The following OR2A14 variants were observed in gnomAD, a reference collection of about 807,000 sequenced individuals.
OR2A14 encodes the protein olfactory receptor family 2 subfamily A member 14, also known as olfactory receptor 2A14.
Under a neutral mutation model 2.4 loss-of-function variants are expected in OR2A14, and 2 were observed. The observed-to-expected ratio is 0.85, with a 90% CI of 0.35 to 2.67. The LOEUF (loss-of-function observed/expected upper bound fraction) is 2.67. OR2A14 is among the 30% of genes most tolerant of loss of function. The probability of loss-of-function intolerance (pLI) is 0.10; values close to 1 mark genes in which losing one functional copy is unlikely to be tolerated. For missense variants in OR2A14, 390 were observed against 379.4 expected (o/e 1.03, Z -0.23); for synonymous variants, 160 against 156.3 (o/e 1.02, Z -0.18).
intron 1 of OR2A14, among the ~76,000 whole-genome samples, chr7:144,125,892 AT>A (rs973414496): frequency 6.6e-5 from 10 of 150,560 alleles, no homozygotes; most frequent in South Asian, 2.1e-4. Flanking sequence ...TAATGACTGG[AT>A]TTTTTTTTTA....
chr7:144,123,661 A>G (rs2051461121), intron 1 of OR2A14, among the ~76,000 whole-genome samples: 1 of 152,202 alleles, frequency 6.6e-6, no homozygotes, highest in African/African-American at 2.4e-5. Context: ...GCTAATTTTA[A>G]AAACTGAAGT....
At chr7:144,127,023 A>G (rs927201873) in intron 1 of OR2A14, among the ~76,000 whole-genome samples, 1 of 152,118 alleles carries the variant, frequency 6.6e-6, no homozygotes, top group African/African-American at 2.4e-5. Context: ...AGGCAGGTAT[A>G]CTCTAAAACA....
chr7:144,127,372 T>C (rs2051489037), intron 1 of OR2A14, among the ~76,000 whole-genome samples: 1 of 152,204 alleles, frequency 6.6e-6, no homozygotes, highest in South Asian at 2.1e-4. Flanking sequence ...ATTGGTCAGA[T>C]TTTCTAGATG....
chr7:144,124,919 CA>C (rs1232233595), intron 1 of OR2A14, among the ~76,000 whole-genome samples: 2 of 151,950 alleles, frequency 1.3e-5, no homozygotes, highest in East Asian at 3.9e-4. Flanking sequence ...CAAAAACAGC[CA>C]AAAAGAAAAG....
At chr7:144,125,652 A>G (rs2860206) in intron 1 of OR2A14, among the ~76,000 whole-genome samples, 80,761 of 152,008 alleles carry the variant, frequency 0.53, 21,810 homozygotes, top group East Asian at 0.74. Context: ...CACAGTTGAT[A>G]ACCAGAGTTT....
At chr7:144,126,589 A>G (rs2051484363) in intron 1 of OR2A14, among the ~76,000 whole-genome samples, 1 of 151,926 alleles carries the variant, frequency 6.6e-6, no homozygotes, top group Admixed American at 6.6e-5. Context: ...CCCTCAAATC[A>G]AGTAGCTTTC....
Position 144,129,552 on chromosome 7 carries a change from C to A in OR2A14, c.440C>A (p.Ser147Tyr). The A allele has an allele frequency of 6.2e-7, 1 of 1,614,148 alleles. No individual in the cohort carries two copies. The highest frequency in any genetic ancestry group is 8.5e-7 in the Non-Finnish European group (1 of 1,180,028). Reference protein sequence around the residue: ...WRVCTVLAVASWVFSFLLALV... With the variant: ...WRVCTVLAVAYWVFSFLLALV... ...GTGTGCACTGTCCTGGCTGTGGCTT[C>A]CTGGGTGTTCAGCTTCCTCCTGGCT... The change falls in exon 2 of 2, where the codon TCC becomes TAC. Residue 147 changes from serine to tyrosine, a missense_variant. Coordinates refer to ENST00000641068, the MANE Select transcript of OR2A14 (RefSeq NM_001001659.3).
intron 1 of OR2A14, among the ~76,000 whole-genome samples, chr7:144,126,415 A>C (rs1416815702): frequency 6.6e-6 from 1 of 152,146 alleles, no homozygotes; most frequent in African/African-American, 2.4e-5. Context: ...CACCAAGTGC[A>C]TCTTGTTCAG....
rs952111488 is a variant in OR2A14 at position 144,130,523 on chromosome 7, G to A, written c.*478G>A. The A allele has an allele frequency of 7.2e-5, 11 of 153,620 alleles. No homozygotes were observed. The highest frequency in any genetic ancestry group is 2.6e-4 in the African/African-American group (11 of 41,516). The allele number at this position is 153,620 out of a possible 1,614,324, so 9.5% of individuals were successfully genotyped here. On this transcript the variant is annotated 3_prime_UTR_variant, in exon 2 of 2. Transcript: ENST00000641068. ...ACATATACTCTTACAGAAAATACAA[G>A]GGGCTGATAAACATACAAATGCTGC...
Position 144,129,417 on chromosome 7 carries a change from T to G in OR2A14, c.305T>G (p.Leu102Trp). Residue 102 changes from leucine (L) to tryptophan (W), a missense_variant, in exon 2 of 2, where the codon TTG becomes TGG. By Grantham distance (61) the Leu-to-Trp change is moderately conservative. Transcript: ENST00000641068. ...TTTCCATGCATAATGCAGACATTCT[T>G]GTATTTGGCTTTTGCTCACGTAGAG... Reference protein sequence around the residue: ...SFFPCIMQTFLYLAFAHVECL... With the variant: ...SFFPCIMQTFWYLAFAHVECL... 1 of 1,614,216 alleles carries G rather than the reference T, an allele frequency of 6.2e-7. No individual in the cohort carries two copies. Among genetic ancestry groups the G allele is most frequent in the African/African-American group, 1.3e-5 (1 of 75,070 alleles).
At position 144,129,672 on chromosome 7, in the gene OR2A14, C is replaced by T. The variant is rs1353182705; in HGVS notation, c.560C>T (p.Ala187Val). 2 of 1,614,002 alleles carry T rather than the reference C, an allele frequency of 1.2e-6. No individual in the cohort carries two copies. The highest frequency in any genetic ancestry group is 1.7e-6 in the Non-Finnish European group (2 of 1,180,034). Reference sequence around the variant, plus strand: ...GAAATCCTGTCTGTCCTCAAGTTGGCCTGTGCTGACACCTGGCTCAACCAG... The same window carrying T: ...GAAATCCTGTCTGTCCTCAAGTTGGTCTGTGCTGACACCTGGCTCAACCAG... ...FCEILSVLKL[A>V]CADTWLNQVV... Residue 187 changes from alanine to valine, a missense_variant, in exon 2 of 2, where the codon GCC (alanine) becomes GTC (valine). Ala to Val is a moderately conservative substitution (Grantham distance 64). Coordinates refer to ENST00000641068, the MANE Select transcript of OR2A14 (RefSeq NM_001001659.3).
rs1409628253 is a variant in OR2A14 at position 144,130,556 on chromosome 7, C to T, written c.*511C>T. On this transcript the variant is annotated 3_prime_UTR_variant, in exon 2 of 2. Coordinates refer to ENST00000641068, the MANE Select transcript of OR2A14 (RefSeq NM_001001659.3). ...TAAACATACAAATGCTGCTTTCCAC[C>T]ATTAGTAAGCAAGGAATTGTAAATT... is the stretch of plus-strand genomic sequence containing the variant. 6.5e-6 allele frequency: 1 copy of T among 152,960 alleles called. No homozygotes were observed. The highest frequency in any genetic ancestry group is 1.5e-5 in the Non-Finnish European group (1 of 68,654). 9.5% of individuals were successfully genotyped at this position (152,960 alleles called of 1,614,324 possible).
At position 144,130,384 on chromosome 7, in the gene OR2A14, C is replaced by T. The variant is rs1182058848; in HGVS notation, c.*339C>T. 2.2e-5 allele frequency: 4 copies of T among 184,850 alleles called. No homozygotes were observed. Among genetic ancestry groups the T allele is most frequent in the Non-Finnish European group, 4.6e-5 (4 of 87,358 alleles). 11.5% of individuals were successfully genotyped at this position (184,850 alleles called of 1,614,324 possible). A position where few individuals can be genotyped will look rare whatever the true frequency, so the allele number is the denominator to read the frequency against. The stretch of plus-strand genomic sequence containing the variant: ...CACAAACCAAGTGATCGTATGGAAA[C>T]TACATGTACCCAGAAATGGAACTAT... On this transcript the variant is annotated 3_prime_UTR_variant, in exon 2 of 2. Coordinates refer to ENST00000641068, the MANE Select transcript of OR2A14 (RefSeq NM_001001659.3).
rs1256975636 is a variant in OR2A14 at position 144,129,738 on chromosome 7, C to A, written c.626C>A (p.Pro209Gln). The A allele has an allele frequency of 6.2e-7, 1 of 1,614,024 alleles. No homozygotes were observed. ...FAACVFILVG[P>Q]LCLVLVSYLR... Reference sequence around the variant, plus strand: ...GCCTGCGTGTTCATCCTGGTGGGGCCACTCTGCCTGGTGCTGGTCTCCTAC... The same window carrying A: ...GCCTGCGTGTTCATCCTGGTGGGGCAACTCTGCCTGGTGCTGGTCTCCTAC... The change falls in exon 2 of 2, where the codon CCA (proline) becomes CAA (glutamine). Residue 209 changes from proline to glutamine, a missense_variant. Pro to Gln is a moderately conservative substitution (Grantham distance 76, BLOSUM62 -1). Coordinates refer to ENST00000641068, the MANE Select transcript of OR2A14 (RefSeq NM_001001659.3).
chr7:144,125,067 T>A (rs566881925), intron 1 of OR2A14, among the ~76,000 whole-genome samples: 176 of 152,328 alleles, frequency 1.2e-3, no homozygotes, highest in African/African-American at 4.0e-3. Context: ...ATTCCTATAA[T>A]GTACCAGTGC....
chr7:144,129,534 C>T lies in OR2A14; in HGVS notation c.422C>T (p.Thr141Ile). 6.2e-7 allele frequency: 1 copy of T among 1,614,146 alleles called. No individual in the cohort carries two copies. Among genetic ancestry groups the T allele is most frequent in the Non-Finnish European group, 8.5e-7 (1 of 1,180,014 alleles). The change falls in exon 2 of 2, where the codon ACT becomes ATT. Residue 141 changes from threonine to isoleucine, a missense_variant. Thr to Ile is a moderately conservative substitution (Grantham distance 89). Transcript: ENST00000641068. ...AGCCTCATGAGCTGGAGAGTGTGCA[C>T]TGTCCTGGCTGTGGCTTCCTGGGTG... ...YNSLMSWRVCTVLAVASWVFS... is the reference protein window; with the variant it reads ...YNSLMSWRVCIVLAVASWVFS...
intron 1 of OR2A14, among the ~76,000 whole-genome samples, chr7:144,128,434 A>G (rs1217724725): frequency 1.3e-5 from 2 of 152,212 alleles, no homozygotes; most frequent in African/African-American, 4.8e-5. Context: ...ATAAAACTAC[A>G]AACACCAGAT....
At position 144,130,291 on chromosome 7, in the gene OR2A14, A is replaced by G; in HGVS notation, c.*246A>G. On this transcript the variant is annotated 3_prime_UTR_variant, in exon 2 of 2. Transcript: ENST00000641068. ...GATATAAAATTTTTAAGTTCGATAA[A>G]TATAGGACCTCTTCACATTAATCAT... is the stretch of plus-strand genomic sequence containing the variant. 1 of 336,430 alleles carries G rather than the reference A, an allele frequency of 3.0e-6. No individual in the cohort carries two copies. The highest frequency in any genetic ancestry group is 5.4e-6 in the Non-Finnish European group (1 of 186,374). 20.8% of individuals were successfully genotyped at this position (336,430 alleles called of 1,614,324 possible).
rs2128807512 is a variant in OR2A14, at chr7:144,130,213, C to T, written c.*168C>T. 7.3e-6 allele frequency: 4 copies of T among 549,126 alleles called. No homozygotes were observed. In the South Asian group the frequency reaches 1.3e-4, roughly 18 times the overall value. The allele number at this position is 549,126 out of a possible 1,614,324, so 34.0% of individuals were successfully genotyped here. On this transcript the variant is annotated 3_prime_UTR_variant, in exon 2 of 2. Transcript: ENST00000641068. Reference sequence around the variant, plus strand: ...ATCTTTTAGAAAAGATAGGTAAATGCATTTATAATACTGGATAGGCATAAA... The same window carrying T: ...ATCTTTTAGAAAAGATAGGTAAATGTATTTATAATACTGGATAGGCATAAA...
Sources: allele counts gnomAD v4.1 joint callset (sites outside exome capture counted in the v4.1 genomes callset), GRCh38; gene constraint gnomAD v4.1.1; transcripts MANE v1.5; gene names NCBI Gene and HGNC (gene_info 2026-07-23, HGNC 2026-07-21).